Variants in NKAIN3 observed in about 807,000 individuals in gnomAD.
The protein encoded by NKAIN3 is sodium/potassium-transporting ATPase subunit beta-1-interacting protein 3.
In NKAIN3, 25 loss-of-function variants were observed where a neutral mutation model predicts 30.2. The observed-to-expected ratio is 0.83, with a 90% CI of 0.60 to 1.16. NKAIN3 has a LOEUF of 1.16. Among genes scored for constraint, NKAIN3 ranks in the 50% most tolerant of loss-of-function variants. NKAIN3 has a pLI of 0.00. For missense variants in NKAIN3, 225 were observed against 254.1 expected (o/e 0.89, Z 0.78); for synonymous variants, 91 against 89.6 (o/e 1.02, Z -0.09).
intron 1 of NKAIN3, among the ~76,000 whole-genome samples, chr8:62,427,667 A>G (rs1804850102): frequency 6.6e-6 from 1 of 151,930 alleles, no homozygotes; most frequent in Non-Finnish European, 1.5e-5. Context: ...CATTTTCAAG[A>G]ATAAATTATA....
chr8:62,649,051 C>T (rs1812552190), intron 3 of NKAIN3, among the ~76,000 whole-genome samples: 1 of 152,102 alleles, frequency 6.6e-6, no homozygotes, highest in African/African-American at 2.4e-5. Context: ...TAAACTGGGT[C>T]TGGTATATCC....
rs558397968 is a variant in NKAIN3 at position 62,563,398 on chromosome 8, G to T, written c.55-16141G>T. Among the ~76,000 whole-genome samples, 5 of 152,184 alleles carry T rather than the reference G, an allele frequency of 3.3e-5. No individual in the cohort carries two copies. In the South Asian group the frequency reaches 1.0e-3, roughly 32 times the overall value. On this transcript the variant is annotated intron_variant, in intron 1 of 6. Transcript: ENST00000623646. ...ATTTTTTGTGACATTCTTACCTAAA[G>T]CATTATTGTGTTAGTATAAGAGAAG...
At chr8:62,812,692 G>C (rs543884672) in intron 4 of NKAIN3, among the ~76,000 whole-genome samples, 2 of 151,322 alleles carry the variant, frequency 1.3e-5, no homozygotes, top group South Asian at 4.2e-4. Flanking sequence ...TTTCCAATTG[G>C]TATGCTTTTT....
chr8:62,638,629 G>A (rs1016760409), intron 3 of NKAIN3, among the ~76,000 whole-genome samples: 1 of 152,050 alleles, frequency 6.6e-6, no homozygotes, highest in Non-Finnish European at 1.5e-5. Flanking sequence ...GCCAAAAATG[G>A]CATCACTTAT....
intron 1 of NKAIN3, among the ~76,000 whole-genome samples, chr8:62,527,882 GGTGTGT>G (rs68020312): frequency 1.6e-3 from 236 of 143,792 alleles, no homozygotes; most frequent in African/African-American, 4.5e-3. Context: ...ACTTTTTTTT[GGTGTGT>G]GTGTGTGTGT....
intron 4 of NKAIN3, among the ~76,000 whole-genome samples, chr8:62,761,733 G>A (rs896456913): frequency 6.6e-6 from 1 of 152,164 alleles, no homozygotes; most frequent in Non-Finnish European, 1.5e-5. Flanking sequence ...AATATTGTCA[G>A]AAGCAGCTCT....
intron 3 of NKAIN3, among the ~76,000 whole-genome samples, chr8:62,729,024 C>CAA (rs71501600): frequency 1.2e-4 from 2 of 16,446 alleles, no homozygotes; most frequent in East Asian, 1.1e-3. Context: ...ACAAACAAAC[C>CAA]AAAAAAAAAA....
chr8:62,710,953 ATTTG>A (rs1814695711), intron 3 of NKAIN3, among the ~76,000 whole-genome samples: 1 of 152,012 alleles, frequency 6.6e-6, no homozygotes, highest in Admixed American at 6.6e-5. Context: ...TTCTTTCAGC[ATTTG>A]TTTGTTTGAA....
At chr8:62,641,527 A>G (rs1258283074) in intron 3 of NKAIN3, among the ~76,000 whole-genome samples, 1 of 152,164 alleles carries the variant, frequency 6.6e-6, no homozygotes, top group Non-Finnish European at 1.5e-5. Context: ...TAGGTTTTTG[A>G]TAAGTGGTTG....
intron 3 of NKAIN3, among the ~76,000 whole-genome samples, chr8:62,706,487 C>A (rs904026913): frequency 2.0e-5 from 3 of 151,938 alleles, no homozygotes; most frequent in African/African-American, 7.3e-5. Context: ...TTGTCCCTAC[C>A]CTTCCCTACT....
chr8:62,474,450 C>T (rs1352327358), intron 1 of NKAIN3, among the ~76,000 whole-genome samples: 3 of 152,050 alleles, frequency 2.0e-5, no homozygotes, highest in Admixed American at 6.5e-5. Flanking sequence ...CTACTAATTC[C>T]CTCTCATAGA....
At chr8:62,343,407 T>C (rs566121215) in intron 1 of NKAIN3, among the ~76,000 whole-genome samples, 1 of 152,208 alleles carries the variant, frequency 6.6e-6, no homozygotes, top group East Asian at 1.9e-4. Context: ...GACAAATTAT[T>C]TTTATTTCAA....
At position 62,978,664 on chromosome 8, in the gene NKAIN3, G is replaced by C. The variant is rs1824003120; in HGVS notation, c.*13257G>C. ...TAGCTTTCTGGGCTCCATGGGGGTG[G>C]GATCTACTGATCAAGACCACTTGGC... is the stretch of plus-strand genomic sequence containing the variant. On this transcript the variant is annotated 3_prime_UTR_variant, in exon 7 of 7. Transcript: ENST00000623646. The C allele has an allele frequency of 6.5e-6, 1 of 152,688 alleles. No individual in the cohort carries two copies. Among genetic ancestry groups the C allele is most frequent in the Non-Finnish European group, 1.5e-5 (1 of 68,224 alleles). 9.5% of individuals were successfully genotyped at this position (152,688 alleles called of 1,614,324 possible).
chr8:62,337,574 C>CATATATATAT (rs148709136), intron 1 of NKAIN3, among the ~76,000 whole-genome samples: 2 of 150,440 alleles, frequency 1.3e-5, no homozygotes, highest in African/African-American at 2.4e-5. Context: ...AAGTATAGTA[C>CATATATATAT]ATATATATAT....
chr8:62,623,338 A>G (rs2130237833), intron 3 of NKAIN3, among the ~76,000 whole-genome samples: 1 of 152,220 alleles, frequency 6.6e-6, no homozygotes, highest in African/African-American at 2.4e-5. Flanking sequence ...TATAACCACC[A>G]TAGCATTTTC....
At chr8:62,620,013 A>G (rs1167203908) in intron 3 of NKAIN3, among the ~76,000 whole-genome samples, 1 of 152,168 alleles carries the variant, frequency 6.6e-6, no homozygotes, top group East Asian at 1.9e-4. Context: ...AACCACATAA[A>G]TTTATCTCAA....
At chr8:62,291,668 A>G (rs1033388852) in intron 1 of NKAIN3, among the ~76,000 whole-genome samples, 9 of 152,164 alleles carry the variant, frequency 5.9e-5, no homozygotes, top group Admixed American at 1.3e-4. Context: ...TATGTGGTCA[A>G]TTTTGGAATA....
chr8:62,872,369 C>G (rs1487058293), intron 4 of NKAIN3, among the ~76,000 whole-genome samples: 1 of 152,160 alleles, frequency 6.6e-6, no homozygotes, highest in Non-Finnish European at 1.5e-5. Flanking sequence ...GTACTTAGGA[C>G]TAATATTCAT....
intron 4 of NKAIN3, among the ~76,000 whole-genome samples, chr8:62,804,268 C>T (rs1235482712): frequency 6.6e-6 from 1 of 152,138 alleles, no homozygotes; most frequent in Non-Finnish European, 1.5e-5. Flanking sequence ...TTTTATGAGG[C>T]CAGCATCATC....
Sources: gnomAD v4.1 joint callset for allele counts (sites outside exome capture counted in the v4.1 genomes callset) on GRCh38, gnomAD v4.1.1 for gene constraint, MANE v1.5 for transcripts, NCBI Gene and HGNC (gene_info 2026-07-23, HGNC 2026-07-21) for gene names.